The following PAPPA2 variants were observed in gnomAD, a reference collection of about 807,000 sequenced individuals.
PAPPA2 encodes pappalysin 2.
A neutral mutation model predicts 176.4 loss-of-function variants in PAPPA2; 86 were observed. The observed-to-expected ratio is 0.49, with a 90% CI of 0.41 to 0.58. The LOEUF is 0.58. PAPPA2 is among the 20% of genes least tolerant of loss of function. PAPPA2 has a pLI of 0.00. For synonymous variants in PAPPA2, 809 were observed against 852.2 expected (o/e 0.95, Z 0.88); for missense variants, 2,073 against 2,256.9 (o/e 0.92, Z 1.65).
At chr1:176,478,988 C>T (rs1178921209) in intron 1 of PAPPA2, among the ~76,000 whole-genome samples, 1 of 152,168 alleles carries the variant, frequency 6.6e-6, no homozygotes, top group Non-Finnish European at 1.5e-5. Flanking sequence ...CAGACTGGCT[C>T]TTTTAGTATC....
intron 7 of PAPPA2, among the ~76,000 whole-genome samples, chr1:176,698,833 G>GCTA (rs2102817516): frequency 6.6e-6 from 1 of 152,272 alleles, no homozygotes; most frequent in East Asian, 1.9e-4. Context: ...TTCCACCTAG[G>GCTA]ATCTGGGTTG....
At chr1:176,519,508 T>C (rs1370870496) in intron 1 of PAPPA2, among the ~76,000 whole-genome samples, 1 of 152,142 alleles carries the variant, frequency 6.6e-6, no homozygotes, top group Non-Finnish European at 1.5e-5. Flanking sequence ...AATGCCTATT[T>C]TGCTGTTCTT....
chr1:176,463,640 C>G (rs1344159254), intron 1 of PAPPA2, among the ~76,000 whole-genome samples: 1 of 152,168 alleles, frequency 6.6e-6, no homozygotes, highest in Admixed American at 6.5e-5. Context: ...CTCAGTTTCT[C>G]CAGTCTAATA....
chr1:176,589,161 CTCTA>C (rs1653501793), intron 2 of PAPPA2, among the ~76,000 whole-genome samples: 1 of 152,040 alleles, frequency 6.6e-6, no homozygotes, highest in Admixed American at 6.5e-5. Flanking sequence ...CTGTTTGTAA[CTCTA>C]TCTATAGTGT....
intron 17 of PAPPA2, among the ~76,000 whole-genome samples, chr1:176,777,417 C>G (rs1192256881): frequency 6.6e-6 from 1 of 152,046 alleles, no homozygotes; most frequent in African/African-American, 2.4e-5. Context: ...GAGACTGGGT[C>G]TAGTTCTCCC....
rs1231039619 is a variant in PAPPA2 at position 176,557,311 on chromosome 1, A to T, written c.919+70A>T. ...TGGCTTTATTTCTGACGGGTTAGAC[A>T]TAGGGAGCGAGGATGGGAAGGGGAC... On this transcript the variant is annotated intron_variant, in intron 2 of 22. Coordinates refer to ENST00000367662, the MANE Select transcript of PAPPA2 (RefSeq NM_020318.3). 1.2e-5 allele frequency: 18 copies of T among 1,471,980 alleles called. No homozygotes were observed. The East Asian group carries it at 4.2e-4, about 34-fold the overall frequency. The allele number at this position is 1,471,980 out of a possible 1,614,324, so 91.2% of individuals were successfully genotyped here.
intron 3 of PAPPA2, among the ~76,000 whole-genome samples, chr1:176,623,671 T>TTTCTTTCTTTCTTTC (rs1558479355): frequency 7.8e-6 from 1 of 128,168 alleles, no homozygotes; most frequent in African/African-American, 3.1e-5. Flanking sequence ...TTCTTTCTTT[T>TTTCTTTCTTTCTTTC]TCTTTCTTTC....
chr1:176,527,019 C>A (rs182485972), intron 1 of PAPPA2, among the ~76,000 whole-genome samples: 1 of 152,292 alleles, frequency 6.6e-6, no homozygotes, highest in Non-Finnish European at 1.5e-5. Context: ...GTTGCCCAGG[C>A]TGTGCTGTAC....
intron 2 of PAPPA2, among the ~76,000 whole-genome samples, chr1:176,582,539 T>A (rs1653049888): frequency 6.6e-6 from 1 of 152,228 alleles, no homozygotes; most frequent in African/African-American, 2.4e-5. Flanking sequence ...TATTAAATGC[T>A]TTTTCCATAA....
chr1:176,743,908 A>G (rs1278497608), intron 14 of PAPPA2, among the ~76,000 whole-genome samples: 1 of 152,232 alleles, frequency 6.6e-6, no homozygotes, highest in African/African-American at 2.4e-5. Context: ...AATCTTCAAA[A>G]GATACAGAAC....
intron 3 of PAPPA2, among the ~76,000 whole-genome samples, chr1:176,621,910 A>G (rs541505461): frequency 6.6e-6 from 1 of 152,294 alleles, no homozygotes; most frequent in South Asian, 2.1e-4. Flanking sequence ...CAGCACCTTT[A>G]TGGTGTTCTC....
At chr1:176,700,979 A>G (rs1660627080) in intron 8 of PAPPA2, among the ~76,000 whole-genome samples, 2 of 152,122 alleles carry the variant, frequency 1.3e-5, no homozygotes, top group Admixed American at 6.5e-5. Context: ...AAGAAAAAAG[A>G]TGTCATTTTG....
intron 1 of PAPPA2, among the ~76,000 whole-genome samples, chr1:176,530,039 C>T (rs973892925): frequency 9.2e-5 from 14 of 152,132 alleles, no homozygotes; most frequent in Admixed American, 7.2e-4. Context: ...CTCTCTCTTT[C>T]GTTTTTGCAA....
At chr1:176,778,563 C>G (rs1664564131) in intron 17 of PAPPA2, among the ~76,000 whole-genome samples, 1 of 152,084 alleles carries the variant, frequency 6.6e-6, no homozygotes, top group Admixed American at 6.6e-5. Context: ...CTAAGGCAAG[C>G]TAAAACTCAT....
chr1:176,672,312 G>T (rs1444469580), intron 4 of PAPPA2, among the ~76,000 whole-genome samples: 1 of 151,988 alleles, frequency 6.6e-6, no homozygotes, highest in African/African-American at 2.4e-5. Flanking sequence ...GTTGGAAAAA[G>T]AATAGTTAGA....
At position 176,800,071 on chromosome 1, in the gene PAPPA2, G is replaced by A; in HGVS notation, c.5141G>A (p.Cys1714Tyr). ...CGTCTTTCCCCTTAGAGCATTGTGTGCACTGGCCGGCGTCAATGGCACCCA... is the reference window on the plus strand; with the variant it reads ...CGTCTTTCCCCTTAGAGCATTGTGTACACTGGCCGGCGTCAATGGCACCCA... ...MEPVKVQSIV[C>Y]TGRRQWHPDP... The change falls in exon 21 of 23, where the codon TGC becomes TAC. Residue 1714 changes from cysteine (C) to tyrosine (Y), a missense_variant. Around this residue, in one of 4 missense-constraint regions of PAPPA2, gnomAD observed 846 missense variants for 857.9 expected, o/e 0.99. Coordinates refer to ENST00000367662, the MANE Select transcript of PAPPA2 (RefSeq NM_020318.3). 1 of 1,613,974 alleles carries A rather than the reference G, an allele frequency of 6.2e-7. No homozygotes were observed. Among genetic ancestry groups the A allele is most frequent in the Non-Finnish European group, 8.5e-7 (1 of 1,179,934 alleles).
At chr1:176,695,988 GTGTGTGTGTGTGTGTGTGTT>G (rs1416920513) in intron 7 of PAPPA2, 129 bp downstream of exon 7, 1 of 759,506 alleles carries the variant, frequency 1.3e-6, no homozygotes, top group African/African-American at 2.4e-5. Flanking sequence ...GTGTGTGTGT[GTGTGTGTGTGTGTGTGTGTT>G]TTGCTGGATA....
intron 4 of PAPPA2, among the ~76,000 whole-genome samples, chr1:176,678,757 A>C (rs1302367089): frequency 6.6e-6 from 1 of 152,116 alleles, no homozygotes; most frequent in Non-Finnish European, 1.5e-5. Flanking sequence ...TCATATGCCT[A>C]CTAAGTACTA....
chr1:176,484,117 C>G (rs1296894268), intron 1 of PAPPA2, among the ~76,000 whole-genome samples: 1 of 152,226 alleles, frequency 6.6e-6, no homozygotes, highest in Admixed American at 6.5e-5. Flanking sequence ...TGTCTCCTGA[C>G]TAGATTTCCT....
Sources: allele counts gnomAD v4.1 joint callset (sites outside exome capture counted in the v4.1 genomes callset), GRCh38; gene constraint gnomAD v4.1.1; regional missense constraint gnomAD v4.1.1; transcripts MANE v1.5; gene names NCBI Gene and HGNC (gene_info 2026-07-23, HGNC 2026-07-21).